Variants in FMN2 observed in about 807,000 individuals in gnomAD.
FMN2 encodes formin 2.
Under a neutral mutation model 142.3 loss-of-function variants are expected in FMN2, and 51 were observed. That is an observed-to-expected ratio of 0.36 (90% confidence interval 0.29 to 0.45). The LOEUF (loss-of-function observed/expected upper bound fraction) is 0.45, where lower values mean the gene tolerates loss of function less well. Among genes scored for constraint, FMN2 ranks in the 20% least tolerant of loss-of-function variants. The pLI is 1.00. For synonymous variants in FMN2, 882 were observed against 869.8 expected, an observed-to-expected ratio of 1.01 and a Z score of -0.25; for missense variants, 1,936 against 2,122.8, an observed-to-expected ratio of 0.91 and a Z score of 1.73.
At chr1:240,344,136 G>A (rs1190102220) in intron 13 of FMN2, among the ~76,000 whole-genome samples, 1 of 152,214 alleles carries the variant, frequency 6.6e-6, no homozygotes, top group Non-Finnish European at 1.5e-5. Context: ...TGAAAGTACT[G>A]CTCTGGCAAG....
intron 2 of FMN2, among the ~76,000 whole-genome samples, chr1:240,150,646 C>T (rs1663723918): frequency 6.6e-6 from 1 of 152,154 alleles, no homozygotes; most frequent in Non-Finnish European, 1.5e-5. Flanking sequence ...CAAACTAAAT[C>T]CCTCTAGTGA....
chr1:240,396,303 CGTGTGTGTGTGTGTGTGTGT>C (rs57641655), intron 15 of FMN2, among the ~76,000 whole-genome samples: 1 of 142,742 alleles, frequency 7.0e-6, no homozygotes. Flanking sequence ...CCGAGGTTTT[CGTGTGTGTGTGTGTGTGTGT>C]GTGTGTGTGT....
In FMN2 at chr1:240,361,165, A is replaced by T. The variant is rs1268580735; in HGVS notation, c.4858+5257A>T. On this transcript the variant is annotated intron_variant, in intron 14 of 17. Coordinates refer to ENST00000319653, the MANE Select transcript of FMN2 (RefSeq NM_020066.5). ...TGTATATATATATATATATATATAT[A>T]TATATATATATATATATATAAAAGA... Among the ~76,000 whole-genome samples, 10 of 65,886 alleles carry T rather than the reference A, an allele frequency of 1.5e-4. No homozygotes were observed. The East Asian group carries it at 4.8e-3, about 32-fold the overall frequency. The allele number at this position is 65,886 out of a possible 152,430, so 43.2% of individuals were successfully genotyped here.
At chr1:240,236,351 C>G (rs1246459603) in intron 6 of FMN2, among the ~76,000 whole-genome samples, 3 of 152,150 alleles carry the variant, frequency 2.0e-5, no homozygotes, top group Non-Finnish European at 2.9e-5. Context: ...ACTTCAGGCC[C>G]CTAATACAGT....
At position 240,250,630 on chromosome 1, in the gene FMN2, A is replaced by G. The variant is rs553021459; in HGVS notation, c.4066-7315A>G. ...GTTAGGGAGCATTCCCTTCTCTTCT[A>G]TTTTTTTTGGGGGGTGGGAAGAGTT... On this transcript the variant is annotated intron_variant, in intron 6 of 17. Coordinates refer to ENST00000319653, the MANE Select transcript of FMN2 (RefSeq NM_020066.5). 1.8e-4 allele frequency among the ~76,000 whole-genome samples: 27 copies of G among 151,164 alleles called. 1 individual carries two copies. Among genetic ancestry groups the G allele is most frequent in the African/African-American group, 3.6e-4 (15 of 41,200 alleles).
At chr1:240,454,881 G>A (rs1490820799) in intron 16 of FMN2, among the ~76,000 whole-genome samples, 1 of 152,128 alleles carries the variant, frequency 6.6e-6, no homozygotes, top group African/African-American at 2.4e-5. Context: ...GTTTTTTAAT[G>A]TCATGGGCCA....
At chr1:240,175,600 T>TCCTCCCATGTTAG (rs59658085) in intron 2 of FMN2, among the ~76,000 whole-genome samples, 48,113 of 151,750 alleles carry the variant, frequency 0.32, 8,230 homozygotes, top group African/African-American at 0.45. Context: ...GCTCAAGTGA[T>TCCTCCCATGTTAG]CCTCCCAAGT....
At chr1:240,324,743 C>T (rs1004821061) in intron 8 of FMN2, among the ~76,000 whole-genome samples, 18 of 151,660 alleles carry the variant, frequency 1.2e-4, no homozygotes, top group African/African-American at 4.1e-4. Context: ...AAAACAAAAA[C>T]AGGTTTAGCT....
At chr1:240,436,709 A>G (rs1021613395) in intron 15 of FMN2, among the ~76,000 whole-genome samples, 1 of 151,806 alleles carries the variant, frequency 6.6e-6, no homozygotes, top group African/African-American at 2.4e-5. Context: ...TTTAATGCTC[A>G]AACTGTTTTT....
intron 8 of FMN2, among the ~76,000 whole-genome samples, chr1:240,297,254 T>C (rs1670018024): frequency 6.6e-6 from 1 of 152,194 alleles, no homozygotes; most frequent in Non-Finnish European, 1.5e-5. Flanking sequence ...TGTAGAAATA[T>C]ACCCAGAAAA....
At chr1:240,137,103 C>G (rs950855067) in intron 2 of FMN2, among the ~76,000 whole-genome samples, 1 of 147,992 alleles carries the variant, frequency 6.8e-6, no homozygotes, top group African/African-American at 2.5e-5. Context: ...AATTGGGACT[C>G]TATGGCAAAG....
chr1:240,303,878 T>G (rs1248969783), intron 8 of FMN2, among the ~76,000 whole-genome samples: 1 of 152,194 alleles, frequency 6.6e-6, no homozygotes, highest in Non-Finnish European at 1.5e-5. Context: ...TCTTTAGAGT[T>G]GATACTTTCT....
In FMN2 at chr1:240,094,931, C is replaced by G. The variant is rs984067311; in HGVS notation, c.1615+1207C>G. Among the ~76,000 whole-genome samples, 4 of 152,150 alleles carry G rather than the reference C, an allele frequency of 2.6e-5. No homozygotes were observed. The South Asian group carries it at 8.3e-4, about 32-fold the overall frequency. ...CATTTTAATTTTCATCTGTGGGCCA[C>G]CTTTTATTTTGCCCTTATAGGGTCT... is the stretch of plus-strand genomic sequence containing the variant. On this transcript the variant is annotated intron_variant, in intron 1 of 17. Transcript: ENST00000319653.
intron 6 of FMN2, among the ~76,000 whole-genome samples, chr1:240,226,059 C>T (rs1194054557): frequency 6.6e-6 from 1 of 151,986 alleles, no homozygotes; most frequent in Non-Finnish European, 1.5e-5. Flanking sequence ...AATGGGGGTA[C>T]ACCACTAAGG....
At chr1:240,293,904 G>A (rs1046032871) in intron 7 of FMN2, among the ~76,000 whole-genome samples, 49 of 152,194 alleles carry the variant, frequency 3.2e-4, no homozygotes, top group East Asian at 5.8e-4. Flanking sequence ...GAGTCAACTA[G>A]AAAATGTCTC....
chr1:240,273,262 G>A lies in FMN2; in HGVS notation c.4153+15230G>A, dbSNP rs529124183. Among the ~76,000 whole-genome samples, 24 of 152,254 alleles carry A rather than the reference G, an allele frequency of 1.6e-4. No individual in the cohort carries two copies. In the South Asian group the frequency reaches 4.6e-3, roughly 29 times the overall value. ...ATAGACAATAGCTGATCATAATAGG[G>A]AACACTTACAGACATTACTATGCAA... On this transcript the variant is annotated intron_variant, in intron 7 of 17. Transcript: ENST00000319653.
intron 14 of FMN2, among the ~76,000 whole-genome samples, chr1:240,370,149 T>C (rs1672815734): frequency 6.6e-6 from 1 of 152,206 alleles, no homozygotes; most frequent in African/African-American, 2.4e-5. Context: ...AGTTCTGGCT[T>C]GCACCTCTTT....
chr1:240,405,086 T>G (rs9727285), intron 15 of FMN2, among the ~76,000 whole-genome samples: 2,231 of 152,226 alleles, frequency 0.015, 60 homozygotes, highest in African/African-American at 0.049. Flanking sequence ...AGCTATGTTC[T>G]CCAAGTTAAC....
chr1:240,226,821 C>G (rs921395371), intron 6 of FMN2, among the ~76,000 whole-genome samples: 66 of 151,912 alleles, frequency 4.3e-4, no homozygotes, highest in Admixed American at 9.8e-4. Context: ...CACACACACA[C>G]ACACACACAC....
Sources: gnomAD v4.1 joint callset for allele counts (sites outside exome capture counted in the v4.1 genomes callset) on GRCh38, gnomAD v4.1.1 for gene constraint, MANE v1.5 for transcripts, NCBI Gene and HGNC (gene_info 2026-07-23, HGNC 2026-07-21) for gene names.